Variants in CHUK observed in about 807,000 individuals in gnomAD.
CHUK encodes component of inhibitor of nuclear factor kappa B kinase complex.
A neutral mutation model predicts 104.8 loss-of-function variants in CHUK; 35 were observed. The ratio of observed to expected loss-of-function variants is 0.33; its 90% CI spans 0.26 to 0.44. The LOEUF is 0.44. Among genes scored for constraint, CHUK ranks in the 20% least tolerant of loss-of-function variants. The pLI, the probability that CHUK is intolerant of heterozygous loss-of-function variation, is 1.00. For synonymous variants in CHUK, 276 were observed against 291.9 expected (o/e 0.95, Z 0.56); for missense variants, 663 against 902.7 (o/e 0.73, Z 3.40).
chr10:100,186,891 G>A (rs570777267), downstream of CHUK: 1 of 152,318 alleles, frequency 6.6e-6, no homozygotes, highest in East Asian at 1.9e-4. Context: ...CCCAGCGGAC[G>A]GGGTGGGGGT....
chr10:100,214,283 T>C (rs1589592572), intron 9 of CHUK, among the ~76,000 whole-genome samples: 1 of 152,216 alleles, frequency 6.6e-6, no homozygotes, highest in East Asian at 1.9e-4. Context: ...TACATACTAT[T>C]AAGTGTGTTG....
chr10:100,219,711 T>G (rs1338908265), intron 5 of CHUK, among the ~76,000 whole-genome samples: 2 of 152,096 alleles, frequency 1.3e-5, no homozygotes, highest in African/African-American at 2.4e-5. Flanking sequence ...CAAAATAAGC[T>G]CAATCCATTA....
At chr10:100,211,953 G>A (rs1169679328) in intron 9 of CHUK, among the ~76,000 whole-genome samples, 1 of 151,532 alleles carries the variant, frequency 6.6e-6, no homozygotes, top group Non-Finnish European at 1.5e-5. Flanking sequence ...TGATCTCTCA[G>A]CTCACTACAA....
chr10:100,228,391 C>T (rs929769771), intron 1 of CHUK, among the ~76,000 whole-genome samples: 9 of 152,206 alleles, frequency 5.9e-5, no homozygotes, highest in African/African-American at 2.2e-4. Context: ...CCGTGGCTCA[C>T]GCCTATAATC....
chr10:100,212,425 A>G (rs769842786), intron 9 of CHUK, among the ~76,000 whole-genome samples: 4 of 152,302 alleles, frequency 2.6e-5, no homozygotes, highest in Middle Eastern at 3.4e-3. Flanking sequence ...TTTGTTGACC[A>G]TCTGAATTTC....
chr10:100,223,886 G>A (rs770949347), intron 2 of CHUK, among the ~76,000 whole-genome samples: 1 of 152,210 alleles, frequency 6.6e-6, no homozygotes, highest in Non-Finnish European at 1.5e-5. Flanking sequence ...AGAATGATCT[G>A]TAAAGTACTT....
intron 3 of CHUK, 27 bp from the exon 4 acceptor site, chr10:100,222,208 C>A: frequency 1.5e-6 from 2 of 1,373,296 alleles, no homozygotes; most frequent in Non-Finnish European, 2.1e-6. Flanking sequence ...ATCTAAAAAT[C>A]TGTTCTGCAA....
At chr10:100,191,493 C>G (rs1410589690) in intron 19 of CHUK, among the ~76,000 whole-genome samples, 1 of 152,148 alleles carries the variant, frequency 6.6e-6, no homozygotes, top group African/African-American at 2.4e-5. Context: ...AACAAGCAAG[C>G]TGATTCCTGA....
chr10:100,225,811 AT>A lies in CHUK; in HGVS notation c.200+111del, dbSNP rs1846091737. 7.2e-6 allele frequency: 5 copies of A among 695,924 alleles called. No homozygotes were observed. The South Asian group carries it at 7.9e-5, about 11-fold the overall frequency. The allele number at this position is 695,924 out of a possible 1,614,324, so 43.1% of individuals were successfully genotyped here. A position where few individuals can be genotyped will look rare whatever the true frequency, so the allele number is the denominator to read the frequency against. ...AGAATATATTTAATGAGAGAAAAAA[AT>A]ATATGTTCCCAAAAAGATCCTGAGA... On this transcript the variant is annotated intron_variant, in intron 2 of 20. Transcript: ENST00000370397.
intron 14 of CHUK, among the ~76,000 whole-genome samples, chr10:100,201,022 A>G (rs1193605581): frequency 6.6e-6 from 1 of 152,228 alleles, no homozygotes; most frequent in African/African-American, 2.4e-5. Context: ...GTAAACTACT[A>G]GTATTTGCTT....
Position 100,193,142 on chromosome 10 carries a change from C to G in CHUK, c.2108+156G>C. On this transcript the variant is annotated intron_variant, in intron 19 of 20. Coordinates refer to ENST00000370397, the MANE Select transcript of CHUK (RefSeq NM_001278.5). Reference sequence around the variant, plus strand: ...TTTACAGGTGAGGAAATATGAACATCAAAAAAGTCAAGTAAGTTGCCTAAG... The same window carrying G: ...TTTACAGGTGAGGAAATATGAACATGAAAAAAGTCAAGTAAGTTGCCTAAG... The G allele has an allele frequency of 3.7e-6, 3 of 800,826 alleles. No homozygotes were observed. The South Asian group carries it at 4.5e-5, about 12-fold the overall frequency. The allele number at this position is 800,826 out of a possible 1,614,324, so 49.6% of individuals were successfully genotyped here.
intron 1 of CHUK, among the ~76,000 whole-genome samples, chr10:100,227,025 C>G (rs1397787060): frequency 1.3e-5 from 2 of 152,194 alleles, no homozygotes; most frequent in African/African-American, 4.8e-5. Context: ...TTGTTATGAG[C>G]AGGTGACCAG....
intron 2 of CHUK, 70 bp from the exon 3 acceptor site, chr10:100,223,050 T>G: frequency 5.2e-6 from 4 of 770,714 alleles, no homozygotes; most frequent in Non-Finnish European, 9.2e-6. Flanking sequence ...TTTGAAATGC[T>G]ACTTAATTGT....
At chr10:100,205,454 G>A (rs1344980576) in intron 11 of CHUK, among the ~76,000 whole-genome samples, 1 of 152,154 alleles carries the variant, frequency 6.6e-6, no homozygotes, top group Non-Finnish European at 1.5e-5. Flanking sequence ...CACTCACAGA[G>A]CTTGAGATTA....
intron 2 of CHUK, among the ~76,000 whole-genome samples, chr10:100,224,453 T>C (rs985440692): frequency 6.6e-6 from 1 of 152,198 alleles, no homozygotes; most frequent in African/African-American, 2.4e-5. Flanking sequence ...TTATTATTTA[T>C]TTATTTATTT....
At chr10:100,213,486 C>CAAA (rs112195586) in intron 9 of CHUK, among the ~76,000 whole-genome samples, 2 of 125,914 alleles carry the variant, frequency 1.6e-5, no homozygotes, top group Non-Finnish European at 3.6e-5. Context: ...ACTCTTATCT[C>CAAA]AAAAAAAAAA....
chr10:100,198,436 GTGAC>G (rs1310136458), intron 16 of CHUK, among the ~76,000 whole-genome samples: 1 of 152,222 alleles, frequency 6.6e-6, no homozygotes, highest in Non-Finnish European at 1.5e-5. Flanking sequence ...TTTAAAAACT[GTGAC>G]TGCATGGTGG....
At chr10:100,218,621 C>T (rs1236331051) in intron 8 of CHUK, 97 bp downstream of exon 8, 1 of 821,568 alleles carries the variant, frequency 1.2e-6, no homozygotes, top group Admixed American at 1.9e-5. Context: ...ACAGAAAGTT[C>T]TACTGGATAA....
chr10:100,227,657 T>A (rs140516682), intron 1 of CHUK, among the ~76,000 whole-genome samples: 2 of 152,222 alleles, frequency 1.3e-5, no homozygotes, highest in Non-Finnish European at 2.9e-5. Flanking sequence ...CCTTCCATTC[T>A]CTTTCTCCAA....
Sources: gnomAD v4.1 joint callset for allele counts (sites outside exome capture counted in the v4.1 genomes callset) on GRCh38, gnomAD v4.1.1 for gene constraint, MANE v1.5 for transcripts, NCBI Gene and HGNC (gene_info 2026-07-23, HGNC 2026-07-21) for gene names.